MACROD2: variants seen among roughly 807,000 people sequenced by gnomAD.
MACROD2 encodes the protein mono-ADP ribosylhydrolase 2.
Under a neutral mutation model 70.4 loss-of-function variants are expected in MACROD2, and 36 were observed. The observed-to-expected ratio is 0.51, with a 90% CI of 0.39 to 0.68. MACROD2 has a LOEUF of 0.68. MACROD2 is among the 30% of genes least tolerant of loss of function. MACROD2 has a pLI of 0.00. For missense variants in MACROD2, 496 were observed against 538.4 expected, an observed-to-expected ratio of 0.92 and a Z score of 0.78; for synonymous variants, 172 against 178.8, an observed-to-expected ratio of 0.96 and a Z score of 0.30.
At chr20:14,131,813 T>TGGTTTAAGAGATTCTCTTAC (rs547310644) in intron 3 of MACROD2, among the ~76,000 whole-genome samples, 1 of 152,024 alleles carries the variant, frequency 6.6e-6, no homozygotes. Context: ...CTGCAGCCTT[T>TGGTTTAAGAGATTCTCTTAC]GGTTTAAGAG....
chr20:15,167,629 T>A (rs2076394567), intron 5 of MACROD2, among the ~76,000 whole-genome samples: 1 of 152,158 alleles, frequency 6.6e-6, no homozygotes. Context: ...AAATTCTATA[T>A]CAAAGGTCAG....
chr20:14,851,142 A>G (rs1473718532), intron 5 of MACROD2, among the ~76,000 whole-genome samples: 1 of 152,096 alleles, frequency 6.6e-6, no homozygotes, highest in African/African-American at 2.4e-5. Flanking sequence ...AAAGAGTTAA[A>G]AAGAATCACT....
Position 15,230,049 on chromosome 20 carries a change from C to T in MACROD2, c.528C>T (p.Asn176=), listed in dbSNP as rs770177246. The part of the protein sequence containing the change: ...KSSLKLVKEN[N]IRSVAFPCIS... ...CTCTGAAGCTCGTGAAAGAAAATAACATCCGATCAGTTGTAAGTAATTTTA... is the reference window on the plus strand; with the variant it reads ...CTCTGAAGCTCGTGAAAGAAAATAATATCCGATCAGTTGTAAGTAATTTTA... The change falls in exon 6 of 18, where the codon AAC becomes AAT. Residue 176 remains asparagine, a synonymous_variant. Coordinates refer to ENST00000684519, the MANE Select transcript of MACROD2 (RefSeq NM_001351661.2). 3.0e-5 allele frequency: 48 copies of T among 1,613,070 alleles called. No homozygotes were observed. The highest frequency in any genetic ancestry group is 1.6e-4 in the Middle Eastern group (1 of 6,080).
chr20:15,720,655 C>A (rs2050775383), intron 8 of MACROD2, among the ~76,000 whole-genome samples: 1 of 152,112 alleles, frequency 6.6e-6, no homozygotes, highest in Admixed American at 6.5e-5. Context: ...TGCTTTGAAT[C>A]ACCCTGGACT....
At chr20:14,850,989 G>T (rs531224609) in intron 5 of MACROD2, among the ~76,000 whole-genome samples, 15 of 151,974 alleles carry the variant, frequency 9.9e-5, no homozygotes, top group Admixed American at 3.3e-4. Context: ...GTACAGTCCT[G>T]AATTGTTGTG....
intron 5 of MACROD2, among the ~76,000 whole-genome samples, chr20:15,146,157 CTA>C (rs1476673636): frequency 6.6e-6 from 1 of 152,060 alleles, no homozygotes; most frequent in Non-Finnish European, 1.5e-5. Flanking sequence ...ATAATGTCTT[CTA>C]TATAAGTATT....
At chr20:15,302,594 G>C (rs1473910787) in intron 6 of MACROD2, among the ~76,000 whole-genome samples, 2 of 152,184 alleles carry the variant, frequency 1.3e-5, no homozygotes, top group East Asian at 3.9e-4. Context: ...ATTTGCTTCA[G>C]ACATTTTCTA....
chr20:15,837,340 C>G (rs2064124999), intron 8 of MACROD2, among the ~76,000 whole-genome samples: 1 of 152,128 alleles, frequency 6.6e-6, no homozygotes, highest in Non-Finnish European at 1.5e-5. Context: ...CACAGAAAAT[C>G]TTATTGAATG....
At chr20:14,988,775 T>G (rs2074873419) in intron 5 of MACROD2, among the ~76,000 whole-genome samples, 1 of 152,234 alleles carries the variant, frequency 6.6e-6, no homozygotes, top group Non-Finnish European at 1.5e-5. Context: ...AAGCTCCTTC[T>G]CAAGCATAAT....
intron 8 of MACROD2, among the ~76,000 whole-genome samples, chr20:15,632,536 A>C (rs1229439375): frequency 6.6e-6 from 1 of 152,224 alleles, no homozygotes; most frequent in Admixed American, 6.5e-5. Context: ...AAAAAGAGAC[A>C]GGACCAGGAA....
chr20:15,921,537 T>G (rs1035911574), intron 10 of MACROD2, among the ~76,000 whole-genome samples: 1 of 152,196 alleles, frequency 6.6e-6, no homozygotes, highest in Non-Finnish European at 1.5e-5. Context: ...CTGATTAATT[T>G]TGCTTCACAA....
Position 14,978,091 on chromosome 20 carries a change from G to GA in MACROD2, c.419-251846dup, listed in dbSNP as rs1197880114. Among the ~76,000 whole-genome samples, 5 of 152,144 alleles carry GA rather than the reference G, an allele frequency of 3.3e-5. No homozygotes were observed. The South Asian group carries it at 6.2e-4, about 19-fold the overall frequency. On this transcript the variant is annotated intron_variant, in intron 5 of 17. Coordinates refer to ENST00000684519, the MANE Select transcript of MACROD2 (RefSeq NM_001351661.2). ...TTAATTCAGTGAAAACAATTAAGCT[G>GA]AAACTAGAACCTAGAACCCGGTGGT...
At chr20:14,850,509 G>A (rs2073188657) in intron 5 of MACROD2, 1 of 152,734 alleles carries the variant, frequency 6.5e-6, no homozygotes, top group Non-Finnish European at 1.5e-5. Flanking sequence ...TGCCACTGTT[G>A]TATCACAGAT....
intron 13 of MACROD2, among the ~76,000 whole-genome samples, chr20:15,968,906 G>A (rs938883584): frequency 2.5e-4 from 37 of 149,570 alleles, no homozygotes; most frequent in African/African-American, 8.8e-4. Context: ...ATAAGATACT[G>A]AAGAACTGTA....
At chr20:15,970,078 G>T (rs1390535450) in intron 13 of MACROD2, among the ~76,000 whole-genome samples, 1 of 152,064 alleles carries the variant, frequency 6.6e-6, no homozygotes, top group African/African-American at 2.4e-5. Flanking sequence ...AAAATAAGAA[G>T]ATAATACAAC....
At chr20:14,130,272 G>A (rs1347661662) in intron 3 of MACROD2, among the ~76,000 whole-genome samples, 1 of 152,186 alleles carries the variant, frequency 6.6e-6, no homozygotes, top group Non-Finnish European at 1.5e-5. Context: ...TCTAGGCTGG[G>A]CACGGTGGCT....
chr20:14,700,740 G>A (rs995071547), intron 5 of MACROD2, among the ~76,000 whole-genome samples: 5 of 152,110 alleles, frequency 3.3e-5, no homozygotes, highest in African/African-American at 4.8e-5. Context: ...GTGCCTTTAT[G>A]ATGCATGCTG....
At chr20:14,561,536 G>T (rs1260146538) in intron 4 of MACROD2, among the ~76,000 whole-genome samples, 1 of 151,702 alleles carries the variant, frequency 6.6e-6, no homozygotes, top group African/African-American at 2.4e-5. Flanking sequence ...TTTATTTTCA[G>T]TACAGTACAG....
chr20:14,638,162 T>C (rs1984885812), intron 4 of MACROD2, among the ~76,000 whole-genome samples: 1 of 152,158 alleles, frequency 6.6e-6, no homozygotes, highest in African/African-American at 2.4e-5. Flanking sequence ...ATTATTGTTA[T>C]ATTTTAAGTT....
Sources: allele counts gnomAD v4.1 joint callset (sites outside exome capture counted in the v4.1 genomes callset), GRCh38; gene constraint gnomAD v4.1.1; transcripts MANE v1.5; gene names NCBI Gene and HGNC (gene_info 2026-07-23, HGNC 2026-07-21).